The following DLC1 variants were observed in gnomAD, a reference collection of about 807,000 sequenced individuals.
DLC1 encodes the protein DLC1 Rho GTPase activating protein.
In DLC1, 54 loss-of-function variants were observed where a neutral mutation model predicts 140.3. That is an observed-to-expected ratio of 0.38 (90% CI 0.31 to 0.48). The LOEUF (loss-of-function observed/expected upper bound fraction) is 0.48, where lower values mean the gene tolerates loss of function less well. Ranked by LOEUF, DLC1 falls within the 20% of genes least tolerant of loss-of-function variation. DLC1 has a pLI of 0.96. For missense variants in DLC1, 2,536 were observed against 1,907.0 expected (o/e 1.33, Z -6.14); for synonymous variants, 986 against 728.1 (o/e 1.35, Z -5.70).
At chr8:13,413,256 ATTTTTTTT>A (rs58038503) in intron 2 of DLC1, among the ~76,000 whole-genome samples, 1 of 82,006 alleles carries the variant, frequency 1.2e-5, no homozygotes, top group Admixed American at 1.4e-4. Flanking sequence ...TTTTTTTGCG[ATTTTTTTT>A]TTTTTTTTTT....
intron 4 of DLC1, among the ~76,000 whole-genome samples, chr8:13,321,780 A>G (rs1833135775): frequency 6.6e-6 from 1 of 152,114 alleles, no homozygotes; most frequent in African/African-American, 2.4e-5. Flanking sequence ...TACTTGTAAA[A>G]TTGGCTGTTA....
chr8:13,574,559 T>C (rs1013927985), intron 1 of DLC1, among the ~76,000 whole-genome samples: 2 of 152,118 alleles, frequency 1.3e-5, no homozygotes, highest in Admixed American at 1.3e-4. Context: ...ACACTAAAAA[T>C]GTGTCTAGCC....
At chr8:13,562,822 T>G (rs1262484231) in intron 1 of DLC1, among the ~76,000 whole-genome samples, 1 of 151,946 alleles carries the variant, frequency 6.6e-6, no homozygotes, top group Non-Finnish European at 1.5e-5. Flanking sequence ...ATTTCTACAA[T>G]GAAATACTAT....
At position 13,091,535 on chromosome 8, in the gene DLC1, A is replaced by ACTGGAATC. The variant is rs3217507; in HGVS notation, c.3741-111_3741-104dup. 4.0e-3 allele frequency: 3,908 copies of ACTGGAATC among 979,252 alleles called. 77 individuals are homozygous for ACTGGAATC. The East Asian group carries it at 0.046, about 12-fold the overall frequency. The allele number at this position is 979,252 out of a possible 1,614,324, so 60.7% of individuals were successfully genotyped here. A position where few individuals can be genotyped will look rare whatever the true frequency, so the allele number is the denominator to read the frequency against. The stretch of plus-strand genomic sequence containing the variant: ...AAAGAAGAGAGAAAAAAAAATTTTC[A>ACTGGAATC]CTGGAATCTGTTTATTGTTAAGTGG... On this transcript the variant is annotated intron_variant, in intron 13 of 17. Coordinates refer to ENST00000276297, the MANE Select transcript of DLC1 (RefSeq NM_182643.3).
intron 5 of DLC1, among the ~76,000 whole-genome samples, chr8:13,170,044 T>G (rs1433305021): frequency 2.6e-5 from 4 of 151,936 alleles, no homozygotes; most frequent in Admixed American, 6.6e-5. Context: ...TAAAAAAAAT[T>G]AGAGGAATAT....
chr8:13,568,922 C>T (rs1272669535), intron 1 of DLC1, among the ~76,000 whole-genome samples: 1 of 152,096 alleles, frequency 6.6e-6, no homozygotes, highest in East Asian at 1.9e-4. Flanking sequence ...TAGGGTACTC[C>T]TTGAAATATT....
intron 5 of DLC1, among the ~76,000 whole-genome samples, chr8:13,232,182 A>G (rs752717244): frequency 6.6e-6 from 1 of 152,162 alleles, no homozygotes; most frequent in African/African-American, 2.4e-5. Flanking sequence ...TCAGGCTTGA[A>G]GCATGGGGGA....
intron 4 of DLC1, among the ~76,000 whole-genome samples, chr8:13,315,208 C>T (rs1052239522): frequency 3.3e-5 from 5 of 152,118 alleles, no homozygotes; most frequent in East Asian, 1.9e-4. Context: ...TGAGCCCAGG[C>T]GTTCGAGACC....
At chr8:13,281,715 A>G (rs1831371981) in intron 5 of DLC1, among the ~76,000 whole-genome samples, 1 of 152,170 alleles carries the variant, frequency 6.6e-6, no homozygotes. Flanking sequence ...ATAGTGTTGA[A>G]TATATCTATA....
chr8:13,437,075 A>G (rs976830411), intron 2 of DLC1, among the ~76,000 whole-genome samples: 1 of 152,238 alleles, frequency 6.6e-6, no homozygotes, highest in African/African-American at 2.4e-5. Flanking sequence ...TGATGGCCCA[A>G]TGAACTTCTA....
chr8:13,301,152 T>C (rs553722257), intron 5 of DLC1, among the ~76,000 whole-genome samples: 66 of 152,222 alleles, frequency 4.3e-4, no homozygotes, highest in Non-Finnish European at 6.2e-4. Flanking sequence ...GCATAAACAT[T>C]TCTCTGAAAC....
At chr8:13,426,582 A>G (rs1485781604) in intron 2 of DLC1, among the ~76,000 whole-genome samples, 1 of 152,140 alleles carries the variant, frequency 6.6e-6, no homozygotes, top group East Asian at 1.9e-4. Flanking sequence ...AGGTCCCAGA[A>G]TTTAAAGCTC....
chr8:13,304,989 T>A, intron 5 of DLC1: 1 of 1,078,200 alleles, frequency 9.3e-7, no homozygotes, highest in Non-Finnish European at 1.1e-6. Context: ...TTGATCAACA[T>A]TTAATTCTTT....
chr8:13,333,524 A>G (rs1289581801), intron 4 of DLC1, among the ~76,000 whole-genome samples: 9 of 152,194 alleles, frequency 5.9e-5, no homozygotes, highest in Non-Finnish European at 8.8e-5. Flanking sequence ...GTGGGGATCA[A>G]CAGGTGTAAA....
At chr8:13,472,385 A>G (rs967591303) in intron 2 of DLC1, among the ~76,000 whole-genome samples, 1 of 152,208 alleles carries the variant, frequency 6.6e-6, no homozygotes, top group African/African-American at 2.4e-5. Flanking sequence ...AATTTTGTAG[A>G]TATATTTCTG....
intron 1 of DLC1, among the ~76,000 whole-genome samples, chr8:13,532,968 G>C (rs751335790): frequency 6.6e-6 from 1 of 152,116 alleles, no homozygotes; most frequent in African/African-American, 2.4e-5. Flanking sequence ...TTATTTTTTA[G>C]TTATATTCAA....
chr8:13,576,547 T>C (rs187392789), intron 1 of DLC1, among the ~76,000 whole-genome samples: 20 of 152,332 alleles, frequency 1.3e-4, no homozygotes, highest in Non-Finnish European at 2.1e-4. Flanking sequence ...TCTTTTAACA[T>C]TGTGGGTTCT....
intron 2 of DLC1, among the ~76,000 whole-genome samples, chr8:13,434,822 GC>G (rs1839043092): frequency 6.6e-6 from 1 of 152,058 alleles, no homozygotes; most frequent in Admixed American, 6.6e-5. Flanking sequence ...GGGACTACAG[GC>G]CCTGCTCCAA....
rs552075273 is a variant in DLC1 at position 13,120,866 on chromosome 8, T to C, written c.1349-5209A>G. ...ATGACGGGATGATCCTGTCTTCCCA[T>C]CACTCCTCAACAGTAAGCTGAACAA... On this transcript the variant is annotated intron_variant, in intron 5 of 17. Transcript: ENST00000276297. Among the ~76,000 whole-genome samples, 202 of 152,234 alleles carry C rather than the reference T, an allele frequency of 1.3e-3. 2 individuals are homozygous for C. The highest frequency in any genetic ancestry group is 2.5e-3 in the Non-Finnish European group (168 of 68,004).
Sources: gnomAD v4.1 joint callset for allele counts (sites outside exome capture counted in the v4.1 genomes callset) on GRCh38, gnomAD v4.1.1 for gene constraint, MANE v1.5 for transcripts, NCBI Gene and HGNC (gene_info 2026-07-23, HGNC 2026-07-21) for gene names.